STK3: variants seen among roughly 807,000 people sequenced by gnomAD.
STK3 encodes the protein serine/threonine-protein kinase 3.
Under a neutral mutation model 58.0 loss-of-function variants are expected in STK3, and 41 were observed. That is an observed-to-expected ratio of 0.71 (90% CI 0.55 to 0.92). The LOEUF (loss-of-function observed/expected upper bound fraction) is 0.92. Ranked by LOEUF, STK3 falls within the 40% of genes least tolerant of loss-of-function variation. STK3 has a pLI of 0.00. For synonymous variants in STK3, 170 were observed against 191.0 expected (o/e 0.89, Z 0.91); for missense variants, 479 against 602.7 (o/e 0.79, Z 2.15).
At chr8:98,789,875 A>G (rs982507332) in intron 1 of STK3, among the ~76,000 whole-genome samples, 2 of 152,138 alleles carry the variant, frequency 1.3e-5, no homozygotes, top group Non-Finnish European at 2.9e-5. Context: ...TAAAATAGAA[A>G]AAAGTAGCTG....
intron 1 of STK3, among the ~76,000 whole-genome samples, chr8:98,927,533 A>G (rs544703383): frequency 6.6e-6 from 1 of 152,328 alleles, no homozygotes; most frequent in South Asian, 2.1e-4. Context: ...AACAGTTTAA[A>G]TGCTTCAGAT....
chr8:98,741,566 T>C (rs1349039539), intron 4 of STK3, among the ~76,000 whole-genome samples: 3 of 152,148 alleles, frequency 2.0e-5, no homozygotes, highest in Non-Finnish European at 4.4e-5. Flanking sequence ...AGACACAACA[T>C]ACCAGAATCG....
At chr8:98,606,830 G>A (rs192186141) in intron 6 of STK3, among the ~76,000 whole-genome samples, 82 of 152,250 alleles carry the variant, frequency 5.4e-4, no homozygotes, top group African/African-American at 1.8e-3. Context: ...TAATAAACCT[G>A]TCATTCTAAG....
intron 3 of STK3, among the ~76,000 whole-genome samples, chr8:98,846,607 C>T (rs1485352668): frequency 6.6e-5 from 10 of 152,090 alleles, no homozygotes; most frequent in African/African-American, 2.4e-4. Flanking sequence ...TAGCTCCAAG[C>T]GTATAGGTTA....
downstream of STK3, among the ~76,000 whole-genome samples, chr8:98,367,168 T>C (rs1817572870): frequency 6.6e-6 from 1 of 152,238 alleles, no homozygotes. Context: ...TTGTGTGAGA[T>C]TAGATATGTG....
At chr8:98,489,639 T>C (rs1454801094) in intron 10 of STK3, among the ~76,000 whole-genome samples, 2 of 152,158 alleles carry the variant, frequency 1.3e-5, no homozygotes, top group Non-Finnish European at 2.9e-5. Context: ...TTTCCACACA[T>C]TTAGCCGATT....
upstream of STK3, among the ~76,000 whole-genome samples, chr8:98,388,937 A>G (rs2131009975): frequency 6.6e-6 from 1 of 152,372 alleles, no homozygotes; most frequent in Non-Finnish European, 1.5e-5. Flanking sequence ...CATTACTGAG[A>G]AAGTCATTGA....
chr8:98,829,163 C>G (rs1196531911), upstream of STK3, among the ~76,000 whole-genome samples: 1 of 152,098 alleles, frequency 6.6e-6, no homozygotes, highest in Non-Finnish European at 1.5e-5. Flanking sequence ...GTGAGGTGAC[C>G]TAGGGCTAGC....
intron 2 of STK3, among the ~76,000 whole-genome samples, chr8:98,377,959 T>C (rs1817691762): frequency 6.6e-6 from 1 of 152,068 alleles, no homozygotes; most frequent in South Asian, 2.1e-4. Context: ...TGCAGGGACA[T>C]AAGAGTAGAG....
chr8:98,565,769 G>T (rs1812424465), intron 8 of STK3, among the ~76,000 whole-genome samples: 1 of 152,030 alleles, frequency 6.6e-6, no homozygotes. Flanking sequence ...AGGTGGACTT[G>T]CCATAAGCAA....
In STK3 at chr8:98,923,828, CGTGT is replaced by C. The variant is rs55929161; in HGVS notation, c.-79+18546_-79+18549del. Among the ~76,000 whole-genome samples, 921 of 144,344 alleles carry C rather than the reference CGTGT, an allele frequency of 6.4e-3. 4 individuals carry two copies. Among genetic ancestry groups the C allele is most frequent in the South Asian group, 0.01 (42 of 4,156 alleles). 94.7% of individuals were successfully genotyped at this position (144,344 alleles called of 152,430 possible). Reference sequence around the variant, plus strand: ...TATGCAGGTTACAGTTTTGCAAAAACGTGTGTGTGTGTGTGTGTGTGTGTGTGCG... The same window carrying C: ...TATGCAGGTTACAGTTTTGCAAAAACGTGTGTGTGTGTGTGTGTGTGTGCG... On this transcript the variant is annotated intron_variant, in intron 1 of 1. Transcript: ENST00000519420.
chr8:98,817,210 T>C (rs1834610857), intron 1 of STK3, among the ~76,000 whole-genome samples: 2 of 152,064 alleles, frequency 1.3e-5, no homozygotes, highest in Admixed American at 6.5e-5. Context: ...TCCCAGCACT[T>C]TGGGAAGCCG....
intron 6 of STK3, among the ~76,000 whole-genome samples, chr8:98,703,611 C>G (rs1298518046): frequency 6.6e-6 from 1 of 152,124 alleles, no homozygotes; most frequent in Admixed American, 6.6e-5. Flanking sequence ...TTTCCTTACA[C>G]TCTCTCTTTT....
the STK3 span, among the ~76,000 whole-genome samples, chr8:98,343,993 T>TTA: frequency 6.6e-5 from 10 of 152,318 alleles, no homozygotes; most frequent in Non-Finnish European, 1.0e-4. Flanking sequence ...CATTATTATA[T>TTA]TATTTATTAC....
intron 10 of STK3, among the ~76,000 whole-genome samples, chr8:98,511,771 C>G (rs1298046223): frequency 1.3e-5 from 2 of 152,036 alleles, no homozygotes; most frequent in Non-Finnish European, 2.9e-5. Context: ...TCCTCAGCAG[C>G]TGATTTTTCC....
chr8:98,612,325 G>C (rs1817266210), intron 6 of STK3, among the ~76,000 whole-genome samples: 1 of 150,530 alleles, frequency 6.6e-6, no homozygotes, highest in South Asian at 2.1e-4. Flanking sequence ...GGGAAGCCGA[G>C]TGGGGAGGAC....
At chr8:98,705,809 C>A (rs1438579264) in intron 6 of STK3, among the ~76,000 whole-genome samples, 1 of 151,824 alleles carries the variant, frequency 6.6e-6, no homozygotes, top group Admixed American at 6.6e-5. Flanking sequence ...AGTAATAAAC[C>A]TAAAAAGTAT....
chr8:98,705,847 A>C (rs1305751574), intron 6 of STK3, among the ~76,000 whole-genome samples: 1 of 152,212 alleles, frequency 6.6e-6, no homozygotes, highest in Non-Finnish European at 1.5e-5. Context: ...AACACAGGCA[A>C]TTAGACTTGA....
Position 98,545,417 on chromosome 8 carries a change from G to A in STK3, c.1141+2552C>T, listed in dbSNP as rs537580220. On this transcript the variant is annotated intron_variant, in intron 9 of 10. Transcript: ENST00000419617. ...AGTAATGCCATCATTGCTAAAAACA[G>A]GTTTAGAAAGTTATTCTTGGGACAT... Among the ~76,000 whole-genome samples the A allele has an allele frequency of 3.3e-5, 5 of 152,216 alleles. No individual in the cohort carries two copies. The South Asian group carries it at 6.2e-4, about 19-fold the overall frequency.
Sources: allele counts gnomAD v4.1 joint callset (sites outside exome capture counted in the v4.1 genomes callset), GRCh38; gene constraint gnomAD v4.1.1; transcripts MANE v1.5; gene names NCBI Gene and HGNC (gene_info 2026-07-23, HGNC 2026-07-21).